PHF20: variants seen among roughly 807,000 people sequenced by gnomAD.
PHF20 encodes PHD finger protein 20, also known as glioma-expressed antigen 2.
PHF20 carries 23 observed loss-of-function variants against 113.5 expected under a neutral mutation model. That is an observed-to-expected ratio of 0.20 (90% CI 0.15 to 0.29). The LOEUF (loss-of-function observed/expected upper bound fraction) is 0.29, where lower values mean the gene tolerates loss of function less well. PHF20 is among the 10% of genes least tolerant of loss of function. PHF20 has a pLI of 1.00. For missense variants in PHF20, 943 were observed against 1,219.6 expected (o/e 0.77, Z 3.38); for synonymous variants, 434 against 457.3 (o/e 0.95, Z 0.65).
chr20:35,862,390 A>G (rs2054233647), intron 5 of PHF20, among the ~76,000 whole-genome samples: 1 of 152,194 alleles, frequency 6.6e-6, no homozygotes, highest in African/African-American at 2.4e-5. Flanking sequence ...AGGACAGAGC[A>G]TGAAGGCATT....
chr20:35,774,053 A>G, intron 1 of PHF20, among the ~76,000 whole-genome samples: 1 of 145,494 alleles, frequency 6.9e-6, no homozygotes, highest in Non-Finnish European at 1.5e-5. Context: ...GGAAATGGAT[A>G]TTTTTCTCTC....
chr20:35,913,184 G>T, intron 10 of PHF20, 65 bp from the exon 11 acceptor site: 1 of 1,187,282 alleles, frequency 8.4e-7, no homozygotes, highest in Non-Finnish European at 1.2e-6. Flanking sequence ...TTGCTTAGGA[G>T]AAGAATAAGC....
intron 1 of PHF20, among the ~76,000 whole-genome samples, chr20:35,798,479 A>T (rs899707130): frequency 2.0e-5 from 3 of 151,460 alleles, no homozygotes; most frequent in African/African-American, 7.3e-5. Flanking sequence ...TTTGAGACAG[A>T]ATTTCACTCT....
At chr20:35,816,105 C>CAT in intron 2 of PHF20, among the ~76,000 whole-genome samples, 1 of 151,516 alleles carries the variant, frequency 6.6e-6, no homozygotes, top group East Asian at 2.0e-4. Context: ...TACAGGCACG[C>CAT]GCCACCATGC....
At chr20:35,947,360 G>A in intron 17 of PHF20, 125 bp from the exon 18 acceptor site, 2 of 914,720 alleles carry the variant, frequency 2.2e-6, no homozygotes, top group Non-Finnish European at 3.3e-6. Context: ...GCCCCATGGA[G>A]GCTGAAATGG....
At chr20:35,916,773 G>A (rs780965568) in intron 12 of PHF20, among the ~76,000 whole-genome samples, 6 of 148,716 alleles carry the variant, frequency 4.0e-5, no homozygotes, top group Non-Finnish European at 8.9e-5. Flanking sequence ...CAGCCTGTTT[G>A]TCTTTTGAGA....
At chr20:35,871,548 C>A in intron 8 of PHF20, 102 bp from the exon 9 acceptor site, 1 of 910,434 alleles carries the variant, frequency 1.1e-6, no homozygotes, top group Non-Finnish European at 1.6e-6. Flanking sequence ...AGATTAATTC[C>A]TTCCTCTAAA....
chr20:35,775,927 C>T (rs1215482824), intron 1 of PHF20, among the ~76,000 whole-genome samples: 5 of 151,930 alleles, frequency 3.3e-5, no homozygotes, highest in Non-Finnish European at 7.4e-5. Context: ...ATCCTCCCCT[C>T]AGCCTCTTGA....
At chr20:35,804,229 GTTTTTTT>G (rs1216930263) in intron 2 of PHF20, among the ~76,000 whole-genome samples, 1 of 99,584 alleles carries the variant, frequency 1.0e-5, no homozygotes, top group Non-Finnish European at 1.9e-5. Flanking sequence ...GCTACTGTAT[GTTTTTTT>G]TTTTTTTTTT....
chr20:35,882,361 C>T (rs188340390), intron 9 of PHF20, among the ~76,000 whole-genome samples: 41 of 152,244 alleles, frequency 2.7e-4, no homozygotes, highest in Admixed American at 5.9e-4. Flanking sequence ...ACTTTTTATC[C>T]CCAGCCAGAG....
chr20:35,788,075 G>A (rs1011540755), intron 1 of PHF20, among the ~76,000 whole-genome samples: 9 of 152,016 alleles, frequency 5.9e-5, no homozygotes, highest in Non-Finnish European at 1.2e-4. Flanking sequence ...ACCTAGCGCA[G>A]CTCTATATTT....
At chr20:35,842,849 A>G in intron 3 of PHF20, 105 bp downstream of exon 3, 1 of 904,958 alleles carries the variant, frequency 1.1e-6, no homozygotes, top group South Asian at 1.7e-5. Flanking sequence ...GTTCTTATTT[A>G]GGCCTATAGT....
At chr20:35,881,001 T>C (rs2054619385) in intron 9 of PHF20, among the ~76,000 whole-genome samples, 2 of 151,514 alleles carry the variant, frequency 1.3e-5, no homozygotes, top group African/African-American at 2.4e-5. Context: ...GAAAGTACTT[T>C]TTCTGAATTG....
At chr20:35,829,811 G>A (rs1045998618) in intron 2 of PHF20, among the ~76,000 whole-genome samples, 3 of 152,052 alleles carry the variant, frequency 2.0e-5, no homozygotes, top group East Asian at 3.9e-4. Context: ...CCTAGGTAAC[G>A]TGGAAACCCT....
chr20:35,798,461 C>CT (rs778362391), intron 1 of PHF20, among the ~76,000 whole-genome samples: 279 of 143,598 alleles, frequency 1.9e-3, no homozygotes, highest in African/African-American at 6.4e-3. Context: ...CTTTTCTTTT[C>CT]TTTTTTTTTT....
At chr20:35,808,754 A>G (rs1165875033) in intron 2 of PHF20, among the ~76,000 whole-genome samples, 2 of 151,108 alleles carry the variant, frequency 1.3e-5, no homozygotes, top group African/African-American at 4.9e-5. Flanking sequence ...TTCTATTTTT[A>G]GTAGAGACGG....
Position 35,931,373 on chromosome 20 carries a change from C to T in PHF20, c.2229C>T (p.His743=). 1 of 1,614,036 alleles carries T rather than the reference C, an allele frequency of 6.2e-7. No individual in the cohort carries two copies. The highest frequency in any genetic ancestry group is 8.5e-7 in the Non-Finnish European group (1 of 1,180,018). The change falls in exon 15 of 18, where the codon CAC becomes CAT. Residue 743 remains histidine, a synonymous_variant. Transcript: ENST00000374012. ...ATGCCAAGAAGATCGTGGCCACCCA[C>T]CAGCTTCTTGGTGATGTGCAGAGAG... ...HQNAKKIVAT[H]QLLGDVQRVI... is the part of the protein sequence containing the mutation.
At chr20:35,772,187 G>C (rs1002018301) in intron 1 of PHF20, 108 bp downstream of exon 1, 17 of 150,988 alleles carry the variant, frequency 1.1e-4, no homozygotes, top group Non-Finnish European at 8.9e-5. Flanking sequence ...CCGCTGCTTC[G>C]GTCCCCTGCC....
At chr20:35,891,670 A>G (rs767293291) in intron 9 of PHF20, among the ~76,000 whole-genome samples, 88 of 152,302 alleles carry the variant, frequency 5.8e-4, no homozygotes, top group Admixed American at 9.2e-4. Context: ...TTTATTGTGC[A>G]TACAGAGGGC....
Sources: allele counts gnomAD v4.1 joint callset (sites outside exome capture counted in the v4.1 genomes callset), GRCh38; gene constraint gnomAD v4.1.1; transcripts MANE v1.5; gene names NCBI Gene and HGNC (gene_info 2026-07-23, HGNC 2026-07-21).